The following KSR1 variants were observed in gnomAD, a reference collection of about 807,000 sequenced individuals.
KSR1 encodes the protein kinase suppressor of ras 1, also known as kinase suppressor of ras.
KSR1 carries 35 observed loss-of-function variants against 92.9 expected under a neutral mutation model. The ratio of observed to expected loss-of-function variants is 0.38; its 90% CI spans 0.29 to 0.50. KSR1 has a LOEUF of 0.50. KSR1 is among the 20% of genes least tolerant of loss of function. KSR1 has a pLI of 0.94. For missense variants in KSR1, 972 were observed against 1,158.5 expected (o/e 0.84, Z 2.34); for synonymous variants, 467 against 472.6 (o/e 0.99, Z 0.15).
chr17:27,593,445 C>A (rs933274377), intron 9 of KSR1, among the ~76,000 whole-genome samples: 17 of 152,256 alleles, frequency 1.1e-4, no homozygotes, highest in African/African-American at 4.1e-4. Context: ...GTGTGCCCCC[C>A]CGATGAGCAT....
intron 12 of KSR1, 60 bp downstream of exon 12, chr17:27,603,948 A>G (rs1598129260): frequency 2.6e-6 from 4 of 1,547,698 alleles, no homozygotes; most frequent in East Asian, 4.5e-5. Context: ...GGCTGGATCC[A>G]TATCCCTGGC....
At chr17:27,609,549 A>ACATTTGCC (rs1245206408) in intron 16 of KSR1, among the ~76,000 whole-genome samples, 2 of 152,224 alleles carry the variant, frequency 1.3e-5, no homozygotes, top group Non-Finnish European at 2.9e-5. Flanking sequence ...CCCCACACTC[A>ACATTTGCC]CATTTGCCCT....
chr17:27,512,629 A>G (rs1432244078), intron 1 of KSR1, among the ~76,000 whole-genome samples: 2 of 152,212 alleles, frequency 1.3e-5, no homozygotes, highest in Non-Finnish European at 2.9e-5. Flanking sequence ...AGGCTGAAGC[A>G]AGAGAATTGC....
chr17:27,585,629 C>A (rs1197970762), intron 4 of KSR1, 28 bp from the exon 5 acceptor site: 2 of 758,914 alleles, frequency 2.6e-6, no homozygotes, highest in Non-Finnish European at 4.9e-6. Flanking sequence ...GTGACGTAAT[C>A]CCCCTCTCTG....
At chr17:27,561,853 GTTGT>G (rs962273063) in intron 2 of KSR1, among the ~76,000 whole-genome samples, 75 of 152,194 alleles carry the variant, frequency 4.9e-4, no homozygotes, top group African/African-American at 1.7e-3. Flanking sequence ...TTGTTTGTCT[GTTGT>G]TTGTTTGTGG....
chr17:27,466,600 A>G (rs1338292191), intron 1 of KSR1, among the ~76,000 whole-genome samples: 1 of 152,218 alleles, frequency 6.6e-6, no homozygotes, highest in South Asian at 2.1e-4. Flanking sequence ...AGAAATGCAG[A>G]TGGCTGTGGG....
intron 11 of KSR1, 102 bp from the exon 12 acceptor site, chr17:27,603,732 G>C: frequency 1.7e-6 from 2 of 1,164,592 alleles, no homozygotes; most frequent in East Asian, 4.8e-5. Flanking sequence ...GTCCACTCAG[G>C]GGAAAATCAG....
At chr17:27,538,114 G>A (rs2070817790) in intron 1 of KSR1, among the ~76,000 whole-genome samples, 1 of 152,170 alleles carries the variant, frequency 6.6e-6, no homozygotes, top group African/African-American at 2.4e-5. Flanking sequence ...TGCTGTTGTA[G>A]GTTTTCTGGA....
chr17:27,527,720 C>T (rs376275872), intron 1 of KSR1, among the ~76,000 whole-genome samples: 41 of 152,268 alleles, frequency 2.7e-4, no homozygotes, highest in Non-Finnish European at 5.6e-4. Flanking sequence ...ACAAATCAGA[C>T]TGTATAAGAA....
Position 27,577,743 on chromosome 17 carries a change from T to G in KSR1, c.520+104T>G. ...AGCGGGGCAAGCGTGGCCCAGGGTT[T>G]CTGGGGCAGCCTGGAAAGGCCAGGG... On this transcript the variant is annotated intron_variant, in intron 3 of 20. Transcript: ENST00000644974. The surrounding 1 kb of genome is among the most constrained non-coding windows in gnomAD (Gnocchi z 4.5). 1 of 987,422 alleles carries G rather than the reference T, an allele frequency of 1.0e-6. No individual in the cohort carries two copies. Among genetic ancestry groups the G allele is most frequent in the Non-Finnish European group, 1.5e-6 (1 of 645,844 alleles). 61.2% of individuals were successfully genotyped at this position (987,422 alleles called of 1,614,324 possible). A position where few individuals can be genotyped will look rare whatever the true frequency, so the allele number is the denominator to read the frequency against.
At chr17:27,583,593 G>A (rs140435604) in intron 4 of KSR1, among the ~76,000 whole-genome samples, 10 of 152,344 alleles carry the variant, frequency 6.6e-5, no homozygotes, top group Non-Finnish European at 1.3e-4. Context: ...AACCTGAACA[G>A]GAGAATGAAA....
At chr17:27,530,458 A>G (rs2070490004) in intron 1 of KSR1, among the ~76,000 whole-genome samples, 1 of 151,942 alleles carries the variant, frequency 6.6e-6, no homozygotes, top group Admixed American at 6.6e-5. Context: ...AGAAAAAAAA[A>G]AGACCCAGCA....
chr17:27,591,829 G>A (rs1187358498), intron 7 of KSR1, among the ~76,000 whole-genome samples: 1 of 152,172 alleles, frequency 6.6e-6, no homozygotes, highest in Non-Finnish European at 1.5e-5. Flanking sequence ...GCCCATTAGT[G>A]AGAAATCTAA....
At position 27,590,978 on chromosome 17, in the gene KSR1, T is replaced by A. The variant is rs932328508; in HGVS notation, c.1130+84T>A. On this transcript the variant is annotated intron_variant, in intron 7 of 20. Transcript: ENST00000644974. The stretch of plus-strand genomic sequence containing the variant: ...TGCGCTTCCCTATGCTTGCTATTCA[T>A]AGTCCTATTCAGCACACCAGGGAGT... 3.3e-6 allele frequency: 4 copies of A among 1,194,592 alleles called. No homozygotes were observed. In the African/African-American group the frequency reaches 6.0e-5, roughly 18 times the overall value. 74.0% of individuals were successfully genotyped at this position (1,194,592 alleles called of 1,614,324 possible).
chr17:27,483,639 T>C (rs2068581359), intron 1 of KSR1: 1 of 151,610 alleles, frequency 6.6e-6, no homozygotes, highest in Non-Finnish European at 1.5e-5. Context: ...TGTGACTTTA[T>C]GTGTCATTTC....
At position 27,603,835 on chromosome 17, in the gene KSR1, C is replaced by T; in HGVS notation, c.1512C>T (p.Asp504=). Residue 504 remains aspartate (D), a splice_region_variant and synonymous_variant, in exon 12 of 21, where the codon GAC becomes GAT. Coordinates refer to ENST00000644974, the MANE Select transcript of KSR1 (RefSeq NM_001394583.1). The stretch of plus-strand genomic sequence containing the variant: ...GTGTTTGGTTTTTGTTTCCTCCAGA[C>T]ATTTCAGCCTTTGCACACGCAGCCC... ...IHHRQQFIFP[D]ISAFAHAAPL... The T allele has an allele frequency of 6.2e-7, 1 of 1,613,962 alleles. No homozygotes were observed.
At chr17:27,521,176 C>A (rs765630377) in intron 1 of KSR1, among the ~76,000 whole-genome samples, 3 of 152,100 alleles carry the variant, frequency 2.0e-5, no homozygotes, top group African/African-American at 7.2e-5. Context: ...GGAACTGGCC[C>A]AGGCATCTCT....
chr17:27,549,307 G>A (rs571109380), intron 1 of KSR1, among the ~76,000 whole-genome samples: 92 of 152,300 alleles, frequency 6.0e-4, no homozygotes, highest in African/African-American at 1.9e-3. Context: ...GCTCTCCCTG[G>A]GTCCCTGGGT....
chr17:27,614,292 G>A (rs1279559303), intron 18 of KSR1, among the ~76,000 whole-genome samples: 2 of 152,192 alleles, frequency 1.3e-5, no homozygotes, highest in African/African-American at 2.4e-5. Context: ...ACTGGACATG[G>A]GGATTCTTTC....
Sources: gnomAD v4.1 joint callset for allele counts (sites outside exome capture counted in the v4.1 genomes callset) on GRCh38, gnomAD v4.1.1 for gene constraint, Gnocchi (gnomAD v3.1) non-coding constraint, MANE v1.5 for transcripts, NCBI Gene and HGNC (gene_info 2026-07-23, HGNC 2026-07-21) for gene names.